COP1: variants seen among roughly 807,000 people sequenced by gnomAD.
The protein encoded by COP1 is E3 ubiquitin-protein ligase COP1.
Under a neutral mutation model 101.3 loss-of-function variants are expected in COP1, and 24 were observed. The ratio of observed to expected loss-of-function variants is 0.24; its 90% CI spans 0.17 to 0.33. The LOEUF (loss-of-function observed/expected upper bound fraction) is 0.33, where lower values mean the gene tolerates loss of function less well. Among genes scored for constraint, COP1 ranks in the 10% least tolerant of loss-of-function variants. The probability of loss-of-function intolerance (pLI) is 1.00; values close to 1 mark genes in which losing one functional copy is unlikely to be tolerated. For synonymous variants in COP1, 347 were observed against 341.9 expected (o/e 1.01, Z -0.17); for missense variants, 663 against 906.2 (o/e 0.73, Z 3.45).
At chr1:176,201,093 T>C (rs566026494) in intron 1 of COP1, among the ~76,000 whole-genome samples, 1 of 152,118 alleles carries the variant, frequency 6.6e-6, no homozygotes, top group Non-Finnish European at 1.5e-5. Flanking sequence ...AACATGACTA[T>C]CAGAGGAAAT....
At position 176,135,046 on chromosome 1, in the gene COP1, G is replaced by A; in HGVS notation, c.932C>T (p.Thr311Ile). The A allele has an allele frequency of 6.2e-7, 1 of 1,611,108 alleles. No homozygotes were observed. The highest frequency in any genetic ancestry group is 8.5e-7 in the Non-Finnish European group (1 of 1,177,798). The change falls in exon 8 of 20, where the codon ACA (threonine) becomes ATA (isoleucine). Residue 311 changes from threonine to isoleucine, a missense_variant. Physicochemically the swap from Thr to Ile is moderately conservative, Grantham distance 89. This residue lies in a region of COP1 where 212 missense variants were observed against 240.7 expected (regional missense o/e 0.88). Coordinates refer to ENST00000367669, the MANE Select transcript of COP1 (RefSeq NM_022457.7). The part of the protein sequence containing the change: ...GLYSPVSEDS[T>I]VPQFEAPSPS... ...AGAAGGAGCTTCAAATTGAGGCACT[G>A]TGCTATCCTCACTGACAGGAGAGTA...
At chr1:176,148,919 A>C in intron 6 of COP1, 87 bp downstream of exon 6, 1 of 855,502 alleles carries the variant, frequency 1.2e-6, no homozygotes, top group Non-Finnish European at 1.8e-6. Context: ...TATTTAAAGA[A>C]ATTTTTTAGC....
intron 3 of COP1, among the ~76,000 whole-genome samples, chr1:176,172,996 T>C (rs1696322784): frequency 6.6e-6 from 1 of 152,166 alleles, no homozygotes; most frequent in African/African-American, 2.4e-5. Context: ...GAGATCACCG[T>C]CAAGATAACT....
chr1:176,008,664 G>T (rs959131977), intron 15 of COP1, among the ~76,000 whole-genome samples: 2 of 152,046 alleles, frequency 1.3e-5, no homozygotes, highest in South Asian at 4.2e-4. Flanking sequence ...CAGACACTTT[G>T]GAAAATACTA....
intron 11 of COP1, among the ~76,000 whole-genome samples, chr1:176,074,940 G>T (rs1229142575): frequency 1.3e-5 from 2 of 152,020 alleles, no homozygotes; most frequent in Non-Finnish European, 2.9e-5. Flanking sequence ...TAAAAGCATA[G>T]TATACATTCT....
chr1:176,008,349 C>T (rs1389573198), intron 15 of COP1, among the ~76,000 whole-genome samples: 10 of 152,260 alleles, frequency 6.6e-5, no homozygotes, highest in South Asian at 6.2e-4. Context: ...TGTTCCTATT[C>T]GGCCATCTTT....
intron 11 of COP1, among the ~76,000 whole-genome samples, chr1:176,077,821 G>A (rs1572094068): frequency 1.3e-5 from 2 of 152,032 alleles, no homozygotes; most frequent in African/African-American, 4.8e-5. Flanking sequence ...ATACAAAATC[G>A]ATGTACAAAA....
chr1:175,983,481 A>T (rs1656367023), intron 18 of COP1, among the ~76,000 whole-genome samples: 1 of 152,220 alleles, frequency 6.6e-6, no homozygotes, highest in African/African-American at 2.4e-5. Context: ...CGAGTCCAAT[A>T]AACCTCTTTC....
intron 18 of COP1, among the ~76,000 whole-genome samples, chr1:175,958,755 T>TA (rs2148523994): frequency 6.6e-6 from 1 of 152,046 alleles, no homozygotes; most frequent in South Asian, 2.1e-4. Context: ...AAAATTCCTA[T>TA]AAAAACTTAC....
At chr1:176,119,204 G>GC (rs1335188071) in intron 8 of COP1, among the ~76,000 whole-genome samples, 1 of 152,124 alleles carries the variant, frequency 6.6e-6, no homozygotes, top group Non-Finnish European at 1.5e-5. Context: ...TGAAAGTGAG[G>GC]CAATGCAATG....
In COP1 at chr1:176,116,667, G is replaced by T. The variant is rs745481639; in HGVS notation, c.983C>A (p.Ser328Tyr). Residue 328 changes from serine (S) to tyrosine (Y), a missense_variant, in exon 9 of 20, where the codon TCC (serine) becomes TAC (tyrosine). Ser to Tyr is a moderately radical substitution (Grantham distance 144, BLOSUM62 -2). Transcript: ENST00000367669. ...PSPSHSSIID[S>Y]TEYSQPPGFS... ...ACCTGGAGGTTGGCTGTATTCTGTG[G>T]AATCAATAATACTACTGCAAAATGA... 3 of 1,609,560 alleles carry T rather than the reference G, an allele frequency of 1.9e-6. No individual in the cohort carries two copies. In the African/African-American group the frequency reaches 4.0e-5, roughly 22 times the overall value.
intron 18 of COP1, among the ~76,000 whole-genome samples, chr1:175,986,498 T>C (rs897623230): frequency 3.9e-5 from 6 of 152,166 alleles, no homozygotes; most frequent in Non-Finnish European, 7.4e-5. Context: ...TTTGAAATAG[T>C]ACTTAATTAG....
intron 9 of COP1, among the ~76,000 whole-genome samples, chr1:176,099,402 C>T (rs1026191488): frequency 9.2e-5 from 14 of 151,906 alleles, no homozygotes; most frequent in Non-Finnish European, 1.5e-4. Context: ...ATTGCTGATC[C>T]TTGTTTTGTT....
At chr1:176,196,459 A>G (rs1699708535) in intron 1 of COP1, among the ~76,000 whole-genome samples, 1 of 152,190 alleles carries the variant, frequency 6.6e-6, no homozygotes. Context: ...TAAAAGAATA[A>G]GGGGTATATT....
intron 11 of COP1, among the ~76,000 whole-genome samples, chr1:176,054,793 C>T (rs1179176677): frequency 6.6e-6 from 1 of 152,094 alleles, no homozygotes; most frequent in Non-Finnish European, 1.5e-5. Context: ...AAAAACAAAA[C>T]AAAATACCTC....
intron 3 of COP1, among the ~76,000 whole-genome samples, chr1:176,164,139 T>C (rs1384392390): frequency 1.3e-5 from 2 of 152,218 alleles, no homozygotes; most frequent in African/African-American, 4.8e-5. Flanking sequence ...CTTACATGTT[T>C]CTCAATGATG....
intron 15 of COP1, among the ~76,000 whole-genome samples, chr1:176,013,086 C>A (rs1255400643): frequency 6.6e-6 from 1 of 152,138 alleles, no homozygotes; most frequent in Non-Finnish European, 1.5e-5. Context: ...TTTAAATCAT[C>A]TACAGATTAC....
chr1:176,063,678 T>C (rs1173148795), intron 11 of COP1, among the ~76,000 whole-genome samples: 1 of 152,192 alleles, frequency 6.6e-6, no homozygotes, highest in African/African-American at 2.4e-5. Context: ...TCAATGTTAG[T>C]ATGATATAGC....
chr1:175,998,454 A>G (rs1660821138), intron 15 of COP1, among the ~76,000 whole-genome samples: 1 of 151,786 alleles, frequency 6.6e-6, no homozygotes, highest in East Asian at 1.9e-4. Flanking sequence ...TAAAACTTAA[A>G]GTATAATAAT....
Sources: allele counts gnomAD v4.1 joint callset (sites outside exome capture counted in the v4.1 genomes callset), GRCh38; gene constraint gnomAD v4.1.1; regional missense constraint gnomAD v4.1.1; transcripts MANE v1.5; gene names NCBI Gene and HGNC (gene_info 2026-07-23, HGNC 2026-07-21).